The following ATXN7 variants were observed in gnomAD, a reference collection of about 807,000 sequenced individuals.
ATXN7 encodes ataxin-7.
A neutral mutation model predicts 70.5 loss-of-function variants in ATXN7; 12 were observed. The observed-to-expected ratio is 0.17, with a 90% CI of 0.11 to 0.28. The LOEUF (loss-of-function observed/expected upper bound fraction) is 0.28. ATXN7 is among the 10% of genes least tolerant of loss of function. The pLI, the probability that ATXN7 is intolerant of heterozygous loss-of-function variation, is 1.00. For synonymous variants in ATXN7, 498 were observed against 448.7 expected (o/e 1.11, Z -1.39); for missense variants, 1,256 against 1,131.7 (o/e 1.11, Z -1.58).
chr3:63,957,079 G>A (rs3774717), intron 5 of ATXN7, among the ~76,000 whole-genome samples: 3,477 of 152,318 alleles, frequency 0.023, 68 homozygotes, highest in South Asian at 0.078. Context: ...CAGATGACTT[G>A]TGGGGTGTTT....
chr3:63,863,297 G>T, upstream of ATXN7: 1 of 308,530 alleles, frequency 3.2e-6, no homozygotes, highest in Non-Finnish European at 4.8e-6. Flanking sequence ...CGTCCCTGGA[G>T]CTCCCACTCC....
intron 9 of ATXN7, 124 bp downstream of exon 9, chr3:63,988,448 AAGG>A: frequency 3.7e-6 from 5 of 1,333,792 alleles, no homozygotes; most frequent in Non-Finnish European, 5.1e-6. Context: ...ATAGTTTTTT[AAGG>A]AGTTTTACTA....
chr3:63,926,719 C>T (rs952412350), intron 4 of ATXN7, among the ~76,000 whole-genome samples: 1 of 152,088 alleles, frequency 6.6e-6, no homozygotes, highest in Non-Finnish European at 1.5e-5. Flanking sequence ...TCTCCTGCTG[C>T]CCCACACCTC....
intron 1 of ATXN7, among the ~76,000 whole-genome samples, chr3:63,892,727 G>A (rs1054065311): frequency 6.6e-5 from 10 of 152,160 alleles, no homozygotes; most frequent in East Asian, 1.9e-4. Flanking sequence ...CTGGGTAGCC[G>A]TCAGGACCTG....
At chr3:63,880,727 T>C (rs1702882970) in intron 1 of ATXN7, among the ~76,000 whole-genome samples, 1 of 152,226 alleles carries the variant, frequency 6.6e-6, no homozygotes, top group African/African-American at 2.4e-5. Context: ...CCTGACCTTC[T>C]AGACAAAATT....
In ATXN7 at chr3:63,990,189, C is replaced by G; in HGVS notation, c.1375C>G (p.Pro459Ala). 2 of 1,613,174 alleles carry G rather than the reference C, an allele frequency of 1.2e-6. No individual in the cohort carries two copies. Among genetic ancestry groups the G allele is most frequent in the Non-Finnish European group, 1.7e-6 (2 of 1,180,004 alleles). Residue 459 changes from proline (P) to alanine (A), a missense_variant, in exon 10 of 13, where the codon CCT becomes GCT. Transcript: ENST00000674280. ...TPSLPRPPGCPAQQGGSAPID... is the reference protein window; with the variant it reads ...TPSLPRPPGCAAQQGGSAPID... ...CTACTCACCAAGGCCTCCAGGCTGC[C>G]CTGCTCAGCAAGGTGGGAGTGCCCC...
At chr3:63,952,875 G>C (rs1241135753) in intron 5 of ATXN7, among the ~76,000 whole-genome samples, 1 of 85,194 alleles carries the variant, frequency 1.2e-5, no homozygotes, top group African/African-American at 5.3e-5. Flanking sequence ...TTAAGGAAAT[G>C]TGATTTTGAA....
intron 5 of ATXN7, among the ~76,000 whole-genome samples, chr3:63,969,045 A>G (rs1474523509): frequency 6.6e-6 from 1 of 152,128 alleles, no homozygotes; most frequent in African/African-American, 2.4e-5. Context: ...TTTGCATGTC[A>G]CTTCTGATGT....
intron 6 of ATXN7, among the ~76,000 whole-genome samples, chr3:63,981,936 T>C (rs1178144947): frequency 6.6e-6 from 1 of 152,222 alleles, no homozygotes; most frequent in East Asian, 1.9e-4. Context: ...GCCTCATGTG[T>C]AAAATTTTTT....
In ATXN7 at chr3:63,997,874, G is replaced by T. The variant is rs2075785100; in HGVS notation, c.2661+1391G>T. The T allele has an allele frequency of 6.1e-6, 6 of 985,402 alleles. No individual in the cohort carries two copies. In the South Asian group the frequency reaches 2.3e-4, roughly 39 times the overall value. The allele number at this position is 985,402 out of a possible 1,614,324, so 61.0% of individuals were successfully genotyped here. On this transcript the variant is annotated intron_variant, in intron 12 of 12. Transcript: ENST00000674280. ...TGCCAAAGGTATGGGGAAAATATTT[G>T]TGAATTTAACTAGCTGCATGCATTA...
chr3:63,995,434 G>C (rs940375829), intron 11 of ATXN7, 71 bp from the exon 12 acceptor site: 6 of 1,535,304 alleles, frequency 3.9e-6, no homozygotes, highest in Admixed American at 3.4e-5. Context: ...AAGCAAAGAG[G>C]GTGGTGCCAT....
At chr3:63,968,701 A>G (rs1434827609) in intron 5 of ATXN7, among the ~76,000 whole-genome samples, 1 of 152,170 alleles carries the variant, frequency 6.6e-6, no homozygotes, top group Non-Finnish European at 1.5e-5. Context: ...TAGTTGTGTT[A>G]TTAAGGTAGC....
rs1247463260 is a variant in ATXN7, at chr3:64,001,030, C to T, written c.*1563C>T. ...GCCCTGGCCAGGGCCTGATGAGAGC[C>T]AGTCAGTACATTCTTTTTTTCCTAC... is the stretch of plus-strand genomic sequence containing the variant. On this transcript the variant is annotated 3_prime_UTR_variant, in exon 13 of 13. Coordinates refer to ENST00000674280, the MANE Select transcript of ATXN7 (RefSeq NM_001377405.1). 1.3e-5 allele frequency: 2 copies of T among 151,994 alleles called. No homozygotes were observed. The highest frequency in any genetic ancestry group is 1.3e-4 in the Admixed American group (2 of 15,278). The allele number at this position is 151,994 out of a possible 1,614,324, so 9.4% of individuals were successfully genotyped here. A position where few individuals can be genotyped will look rare whatever the true frequency, so the allele number is the denominator to read the frequency against.
intron 4 of ATXN7, among the ~76,000 whole-genome samples, chr3:63,921,467 G>A (rs1015534578): frequency 6.6e-6 from 1 of 152,178 alleles, no homozygotes; most frequent in Non-Finnish European, 1.5e-5. Flanking sequence ...ACATTGTTTT[G>A]GAATAAAGGA....
At chr3:63,947,125 CAAAT>C (rs2074876844) in intron 4 of ATXN7, among the ~76,000 whole-genome samples, 2 of 152,244 alleles carry the variant, frequency 1.3e-5, no homozygotes, top group African/African-American at 4.8e-5. Flanking sequence ...AGTTTCCTGA[CAAAT>C]AACAATCATG....
chr3:63,952,846 T>C (rs1451601358), intron 5 of ATXN7, among the ~76,000 whole-genome samples: 1 of 112,320 alleles, frequency 8.9e-6, no homozygotes, highest in Non-Finnish European at 2.0e-5. Context: ...TTTTTTTTTT[T>C]TTTTTTTTTT....
chr3:63,985,974 A>T (rs1017751182), intron 8 of ATXN7, among the ~76,000 whole-genome samples: 4 of 152,254 alleles, frequency 2.6e-5, no homozygotes, highest in Non-Finnish European at 5.9e-5. Flanking sequence ...CTGATGAGTT[A>T]TAAAAAGATG....
chr3:63,895,692 T>G (rs565060167), intron 1 of ATXN7, among the ~76,000 whole-genome samples: 1 of 152,164 alleles, frequency 6.6e-6, no homozygotes, highest in Admixed American at 6.5e-5. Flanking sequence ...AGAGATTCTC[T>G]CTCTCTTTCT....
intron 1 of ATXN7, among the ~76,000 whole-genome samples, chr3:63,875,738 T>C (rs903417569): frequency 4.6e-5 from 7 of 152,232 alleles, no homozygotes; most frequent in African/African-American, 1.7e-4. Context: ...GACAGGTCTA[T>C]CACTACAAGA....
Sources: gnomAD v4.1 joint callset for allele counts (sites outside exome capture counted in the v4.1 genomes callset) on GRCh38, gnomAD v4.1.1 for gene constraint, MANE v1.5 for transcripts, NCBI Gene and HGNC (gene_info 2026-07-23, HGNC 2026-07-21) for gene names.